Variants in PRKAB2 observed in about 807,000 individuals in gnomAD.
The protein encoded by PRKAB2 is protein kinase AMP-activated non-catalytic subunit beta 2.
Under a neutral mutation model 29.8 loss-of-function variants are expected in PRKAB2, and 18 were observed. The observed-to-expected ratio is 0.60, with a 90% CI of 0.42 to 0.89. The LOEUF (loss-of-function observed/expected upper bound fraction) is 0.89, where lower values mean the gene tolerates loss of function less well. PRKAB2 is among the 40% of genes least tolerant of loss of function. The probability of loss-of-function intolerance (pLI) is 0.00; values close to 1 mark genes in which losing one functional copy is unlikely to be tolerated. For missense variants in PRKAB2, 270 were observed against 344.3 expected (o/e 0.78, Z 1.71); for synonymous variants, 136 against 125.9 (o/e 1.08, Z -0.54).
intron 4 of PRKAB2, 33 bp downstream of exon 4, chr1:147,166,813 G>A: frequency 6.3e-7 from 1 of 1,596,266 alleles, no homozygotes; most frequent in East Asian, 2.2e-5. Context: ...AGACTGCTAA[G>A]TCAATGGTTA....
intron 5 of PRKAB2, among the ~76,000 whole-genome samples, chr1:147,164,448 C>A (rs1409635608): frequency 6.6e-6 from 1 of 151,952 alleles, no homozygotes; most frequent in East Asian, 1.9e-4. Context: ...TAAATATGTA[C>A]AATTGTTATG....
At position 147,156,540 on chromosome 1, in the gene PRKAB2, T is replaced by C. The variant is rs1451409758; in HGVS notation, c.*3025A>G. 6.6e-6 allele frequency: 1 copy of C among 152,164 alleles called. No homozygotes were observed. Among genetic ancestry groups the C allele is most frequent in the Admixed American group, 6.6e-5 (1 of 15,256 alleles). 9.4% of individuals were successfully genotyped at this position (152,164 alleles called of 1,614,324 possible). On this transcript the variant is annotated 3_prime_UTR_variant, in exon 8 of 8. Transcript: ENST00000254101. Reference sequence around the variant, plus strand: ...TCTCTTGGATTCTTCTTTTACAAAGTTTCTCTACCATACAAACATACGTTT... The same window carrying C: ...TCTCTTGGATTCTTCTTTTACAAAGCTTCTCTACCATACAAACATACGTTT...
rs1653772649 is a variant in PRKAB2 at position 147,158,284 on chromosome 1, AG to A, written c.*1280del. 6.6e-6 allele frequency: 1 copy of A among 152,210 alleles called. No individual in the cohort carries two copies. The highest frequency in any genetic ancestry group is 2.1e-4 in the South Asian group (1 of 4,832). 9.4% of individuals were successfully genotyped at this position (152,210 alleles called of 1,614,324 possible). A position where few individuals can be genotyped will look rare whatever the true frequency, so the allele number is the denominator to read the frequency against. ...ATGATTTTGTTAACATTTGGTGCAA[AG>A]AATGATACTTTTCATGGTTGGGAAT... On this transcript the variant is annotated 3_prime_UTR_variant, in exon 8 of 8. Coordinates refer to ENST00000254101, the MANE Select transcript of PRKAB2 (RefSeq NM_005399.5).
At chr1:147,161,388 T>TA (rs11371579) in intron 7 of PRKAB2, among the ~76,000 whole-genome samples, 72,216 of 151,804 alleles carry the variant, frequency 0.48, 18,340 homozygotes, top group East Asian at 0.86. Context: ...AACTGGAAGC[T>TA]AAACCTGCTT....
intron 2 of PRKAB2, among the ~76,000 whole-genome samples, chr1:147,168,603 G>A (rs587624935): frequency 9.8e-4 from 149 of 152,312 alleles, no homozygotes; most frequent in Non-Finnish European, 1.7e-3. Flanking sequence ...ACCTCAAGAA[G>A]CAAGAGATCA....
At chr1:147,167,035 C>T in intron 3 of PRKAB2, 96 bp from the exon 4 acceptor site, 1 of 1,014,422 alleles carries the variant, frequency 9.9e-7, no homozygotes, top group Non-Finnish European at 1.5e-6. Context: ...TGAATAATTT[C>T]CCAGATTCCT....
intron 2 of PRKAB2, among the ~76,000 whole-genome samples, chr1:147,170,576 T>C (rs1553914206): frequency 6.6e-6 from 1 of 151,680 alleles, no homozygotes; most frequent in African/African-American, 2.4e-5. Flanking sequence ...GTGATTATGG[T>C]TGGTTTTTTT....
At position 147,156,761 on chromosome 1, in the gene PRKAB2, T is replaced by C. The variant is rs1653695212; in HGVS notation, c.*2804A>G. 3 of 152,118 alleles carry C rather than the reference T, an allele frequency of 2.0e-5. No homozygotes were observed. Among genetic ancestry groups the C allele is most frequent in the Admixed American group, 2.0e-4 (3 of 15,260 alleles). The allele number at this position is 152,118 out of a possible 1,614,324, so 9.4% of individuals were successfully genotyped here. A position where few individuals can be genotyped will look rare whatever the true frequency, so the allele number is the denominator to read the frequency against. On this transcript the variant is annotated 3_prime_UTR_variant, in exon 8 of 8. Transcript: ENST00000254101. ...CCTGACACATGAGCTTAAAGCAGAA[T>C]GGAAAGGAAAGAGGAGAGAATTGGA... is the stretch of plus-strand genomic sequence containing the variant.
rs1553912324 is a variant in PRKAB2 at position 147,155,398 on chromosome 1, C to A, written c.*4167G>T. 3 of 152,650 alleles carry A rather than the reference C, an allele frequency of 2.0e-5. No individual in the cohort carries two copies. The East Asian group carries it at 5.8e-4, about 29-fold the overall frequency. 9.5% of individuals were successfully genotyped at this position (152,650 alleles called of 1,614,324 possible). On this transcript the variant is annotated 3_prime_UTR_variant, in exon 8 of 8. Transcript: ENST00000254101. The stretch of plus-strand genomic sequence containing the variant: ...TGACAGACACAGAGCTGCACTCATT[C>A]GAAATGCTGCCGTGTAATACCAACC...
rs1455144268 is a variant in PRKAB2, at chr1:147,159,303, A to T, written c.*262T>A. The T allele has an allele frequency of 1.5e-5, 6 of 412,310 alleles. No homozygotes were observed. Among genetic ancestry groups the T allele is most frequent in the Non-Finnish European group, 2.2e-5 (5 of 231,150 alleles). 25.5% of individuals were successfully genotyped at this position (412,310 alleles called of 1,614,324 possible). A position where few individuals can be genotyped will look rare whatever the true frequency, so the allele number is the denominator to read the frequency against. Reference sequence around the variant, plus strand: ...TCTTGGTGAAAACCCACAGGCAGAAACAATACTTCTAGCTGGGGCTAGGAG... The same window carrying T: ...TCTTGGTGAAAACCCACAGGCAGAATCAATACTTCTAGCTGGGGCTAGGAG... On this transcript the variant is annotated 3_prime_UTR_variant, in exon 8 of 8. Coordinates refer to ENST00000254101, the MANE Select transcript of PRKAB2 (RefSeq NM_005399.5).
rs880002474 is a variant in PRKAB2 at position 147,159,382 on chromosome 1, C to T, written c.*183G>A. 16 of 536,672 alleles carry T rather than the reference C, an allele frequency of 3.0e-5. No individual in the cohort carries two copies. Among genetic ancestry groups the T allele is most frequent in the South Asian group, 2.1e-4 (7 of 34,028 alleles). The allele number at this position is 536,672 out of a possible 1,614,324, so 33.2% of individuals were successfully genotyped here. A position where few individuals can be genotyped will look rare whatever the true frequency, so the allele number is the denominator to read the frequency against. The stretch of plus-strand genomic sequence containing the variant: ...TATTTTTTTTTCTTAAAATAAATTC[C>T]GTGAACTCATAAAGCTCTCATCTGC... On this transcript the variant is annotated 3_prime_UTR_variant, in exon 8 of 8. Coordinates refer to ENST00000254101, the MANE Select transcript of PRKAB2 (RefSeq NM_005399.5).
chr1:147,155,117 T>C lies in PRKAB2; in HGVS notation c.*4448A>G, dbSNP rs1006302074. On this transcript the variant is annotated 3_prime_UTR_variant, in exon 8 of 8. Coordinates refer to ENST00000254101, the MANE Select transcript of PRKAB2 (RefSeq NM_005399.5). ...CAATAACTCAGATATTATTGCTGTA[T>C]AATACTTTTATTAAAGTTTTATGGA... 4 of 152,292 alleles carry C rather than the reference T, an allele frequency of 2.6e-5. No individual in the cohort carries two copies. Among genetic ancestry groups the C allele is most frequent in the Non-Finnish European group, 5.9e-5 (4 of 68,032 alleles). The allele number at this position is 152,292 out of a possible 1,614,324, so 9.4% of individuals were successfully genotyped here. A position where few individuals can be genotyped will look rare whatever the true frequency, so the allele number is the denominator to read the frequency against.
intron 1 of PRKAB2, 114 bp downstream of exon 1, chr1:147,172,315 G>A (rs1553914580): frequency 7.8e-6 from 7 of 900,222 alleles, no homozygotes; most frequent in African/African-American, 5.3e-5. Context: ...CCTGGCCTGC[G>A]GGAACGCCTG....
Position 147,167,795 on chromosome 1 carries a change from A to G in PRKAB2, c.295T>C (p.Trp99Arg). 6.2e-7 allele frequency: 1 copy of G among 1,614,028 alleles called. No individual in the cohort carries two copies. The highest frequency in any genetic ancestry group is 8.5e-7 in the Non-Finnish European group (1 of 1,179,944). Residue 99 changes from tryptophan (W) to arginine (R), a missense_variant, in exon 3 of 8, where the codon TGG becomes CGG. By Grantham distance (101) the Trp-to-Arg change is moderately radical. Coordinates refer to ENST00000254101, the MANE Select transcript of PRKAB2 (RefSeq NM_005399.5). ...TTAATCAGTGGAATCTTGGTGCTCC[A>G]ATTGTTGAAGGACCCAGAGATGAAG... ...EVFISGSFNN[W>R]STKIPLIKSH...
chr1:147,171,803 T>C (rs1339457234), intron 2 of PRKAB2, among the ~76,000 whole-genome samples, 186 bp downstream of exon 2: 1 of 152,134 alleles, frequency 6.6e-6, no homozygotes, highest in East Asian at 1.9e-4. Context: ...CTCCGCCTCT[T>C]TATCCTATTT....
chr1:147,163,665 T>C (rs926939802), intron 5 of PRKAB2, among the ~76,000 whole-genome samples: 34 of 152,088 alleles, frequency 2.2e-4, no homozygotes, highest in Non-Finnish European at 4.3e-4. Flanking sequence ...ACAGCAAGAC[T>C]TGTGGTTGCC....
At chr1:147,165,864 C>T (rs1553913620) in intron 5 of PRKAB2, among the ~76,000 whole-genome samples, 1 of 152,110 alleles carries the variant, frequency 6.6e-6, no homozygotes, top group African/African-American at 2.4e-5. Flanking sequence ...GAGGCTCAAA[C>T]ATGCTTCACA....
rs150946482 is a variant in PRKAB2 at position 147,164,300 on chromosome 1, CA to C, written c.539-1728del. ...GTGAATATAGGTAACAATAATGTAA[CA>C]AAATAAAATAGCTAGAAGAAAGGAT... is the stretch of plus-strand genomic sequence containing the variant. On this transcript the variant is annotated intron_variant, in intron 5 of 7. Transcript: ENST00000254101. 6.3e-3 allele frequency among the ~76,000 whole-genome samples: 955 copies of C among 152,136 alleles called. 13 individuals are homozygous for C. The highest frequency in any genetic ancestry group is 0.022 in the African/African-American group (896 of 41,486).
At chr1:147,171,895 T>C in intron 2 of PRKAB2, 94 bp downstream of exon 2, 1 of 1,490,714 alleles carries the variant, frequency 6.7e-7, no homozygotes, top group South Asian at 1.2e-5. Flanking sequence ...CATAGCCCGG[T>C]TCGGCGCGGT....
Sources: allele counts gnomAD v4.1 joint callset (sites outside exome capture counted in the v4.1 genomes callset), GRCh38; gene constraint gnomAD v4.1.1; transcripts MANE v1.5; gene names NCBI Gene and HGNC (gene_info 2026-07-23, HGNC 2026-07-21).